Variants in SP100 observed in about 807,000 individuals in gnomAD.
SP100 encodes the protein SP100 nuclear body protein.
A neutral mutation model predicts 130.0 loss-of-function variants in SP100; 84 were observed. That is an observed-to-expected ratio of 0.65 (90% CI 0.54 to 0.77). SP100 has a LOEUF of 0.77. Among genes scored for constraint, SP100 ranks in the 30% least tolerant of loss-of-function variants. SP100 has a pLI of 0.00. For synonymous variants in SP100, 331 were observed against 351.7 expected (o/e 0.94, Z 0.66); for missense variants, 978 against 1,052.2 (o/e 0.93, Z 0.97).
At chr2:230,421,197 C>A (rs997034238) in intron 2 of SP100, among the ~76,000 whole-genome samples, 1 of 152,058 alleles carries the variant, frequency 6.6e-6, no homozygotes, top group Non-Finnish European at 1.5e-5. Context: ...TTTGTGTGTC[C>A]TCATTATGAA....
intron 24 of SP100, among the ~76,000 whole-genome samples, chr2:230,511,668 C>T (rs759101501): frequency 5.3e-5 from 8 of 152,052 alleles, no homozygotes; most frequent in African/African-American, 1.2e-4. Flanking sequence ...AAGACACACA[C>T]GAAAAGTGAG....
intron 24 of SP100, among the ~76,000 whole-genome samples, chr2:230,530,500 C>T (rs1332053520): frequency 1.3e-5 from 2 of 152,126 alleles, no homozygotes; most frequent in Non-Finnish European, 2.9e-5. Context: ...TAGGCAATAC[C>T]ATTCAGGATA....
At chr2:230,538,059 C>T (rs1692015384) in intron 24 of SP100, 1 of 152,182 alleles carries the variant, frequency 6.6e-6, no homozygotes. Flanking sequence ...TTAGAACCAT[C>T]TGGACAATAT....
intron 21 of SP100, among the ~76,000 whole-genome samples, chr2:230,505,904 A>G (rs1030394974): frequency 1.3e-5 from 2 of 152,206 alleles, no homozygotes; most frequent in Non-Finnish European, 2.9e-5. Context: ...AGAGCATGGT[A>G]GAGGGCTTTA....
intron 24 of SP100, among the ~76,000 whole-genome samples, chr2:230,532,937 C>A (rs527612767): frequency 1.1e-4 from 16 of 152,220 alleles, no homozygotes; most frequent in African/African-American, 3.9e-4. Flanking sequence ...CCCACCACCA[C>A]GCCTGGCTAA....
Position 230,416,230 on chromosome 2 carries a change from C to G in SP100, c.-67C>G, listed in dbSNP as rs754294403. ...GGGGCCTGGGCAGCCACACTGCACG[C>G]AGGCTGGGCCGACTGAGGGGCTCAG... On this transcript the variant is annotated 5_prime_UTR_variant, in exon 1 of 29. Transcript: ENST00000340126. The G allele has an allele frequency of 8.0e-6, 11 of 1,375,834 alleles. No individual in the cohort carries two copies. Among genetic ancestry groups the G allele is most frequent in the Non-Finnish European group, 1.1e-5 (11 of 972,016 alleles). The allele number at this position is 1,375,834 out of a possible 1,614,324, so 85.2% of individuals were successfully genotyped here. A position where few individuals can be genotyped will look rare whatever the true frequency, so the allele number is the denominator to read the frequency against.
chr2:230,441,835 T>C (rs1204476411), intron 2 of SP100, among the ~76,000 whole-genome samples: 5 of 152,190 alleles, frequency 3.3e-5, no homozygotes, highest in African/African-American at 1.2e-4. Context: ...TCTCCATTGT[T>C]TCTTACAAAT....
At chr2:230,424,152 G>T (rs2062851794) in intron 2 of SP100, among the ~76,000 whole-genome samples, 1 of 152,164 alleles carries the variant, frequency 6.6e-6, no homozygotes, top group South Asian at 2.1e-4. Context: ...TATTAATAAT[G>T]GTGCTGCCAG....
chr2:230,491,252 C>T (rs1307946877), intron 17 of SP100, among the ~76,000 whole-genome samples: 1 of 152,240 alleles, frequency 6.6e-6, no homozygotes, highest in Non-Finnish European at 1.5e-5. Flanking sequence ...GCACGGATTC[C>T]TCAGAACTAC....
intron 24 of SP100, among the ~76,000 whole-genome samples, chr2:230,520,167 A>T (rs547264071): frequency 6.6e-6 from 1 of 152,342 alleles, no homozygotes; most frequent in South Asian, 2.1e-4. Context: ...AGTTTTTATG[A>T]AGCTTGCCAG....
intron 24 of SP100, among the ~76,000 whole-genome samples, chr2:230,526,280 G>T (rs1434414341): frequency 6.6e-6 from 1 of 151,484 alleles, no homozygotes; most frequent in Non-Finnish European, 1.5e-5. Flanking sequence ...AGGGTCTGGA[G>T]TGGACCTCCA....
chr2:230,443,622 C>A (rs763959965), intron 3 of SP100, among the ~76,000 whole-genome samples: 7 of 152,122 alleles, frequency 4.6e-5, no homozygotes, highest in Admixed American at 2.6e-4. Flanking sequence ...CATTTGTTTT[C>A]TTTTTCTTTC....
At position 230,498,553 on chromosome 2, in the gene SP100, C is replaced by T; in HGVS notation, c.1720+18C>T. 1 of 1,206,198 alleles carries T rather than the reference C, an allele frequency of 8.3e-7. No individual in the cohort carries two copies. The highest frequency in any genetic ancestry group is 1.1e-6 in the Non-Finnish European group (1 of 890,694). 74.7% of individuals were successfully genotyped at this position (1,206,198 alleles called of 1,614,324 possible). The stretch of plus-strand genomic sequence containing the variant: ...ACAAAGAGGTAAAAAAAAAAAAATA[C>T]ATTTTAAATAAATAACGTCTAAATT... On this transcript the variant is annotated intron_variant, in intron 19 of 28. Transcript: ENST00000340126.
intron 11 of SP100, 104 bp from the exon 12 acceptor site, chr2:230,466,197 A>AAAAC (rs2064945152): frequency 5.1e-6 from 3 of 585,952 alleles, no homozygotes; most frequent in South Asian, 4.5e-5. Flanking sequence ...AAAAAAAAAA[A>AAAAC]AAAAAACTTT....
In SP100 at chr2:230,417,634, C is replaced by T; in HGVS notation, c.76C>T (p.His26Tyr). 1 of 1,613,046 alleles carries T rather than the reference C, an allele frequency of 6.2e-7. No homozygotes were observed. The highest frequency in any genetic ancestry group is 2.2e-5 in the East Asian group (1 of 44,812). ...CISPVANEMN[H>Y]LPAHSHDLQR... ...TTCACCAGTAGCAAATGAGATGAAC[C>T]ATCTTCCTGCACACAGCCACGATTT... Residue 26 changes from histidine (H) to tyrosine (Y), a missense_variant, in exon 2 of 29, where the codon CAT becomes TAT. Transcript: ENST00000340126.
intron 5 of SP100, among the ~76,000 whole-genome samples, chr2:230,447,594 A>G (rs2063765206): frequency 6.6e-6 from 1 of 152,134 alleles, no homozygotes; most frequent in Admixed American, 6.5e-5. Flanking sequence ...ATGTTGACTT[A>G]TATTTGACAT....
intron 8 of SP100, among the ~76,000 whole-genome samples, chr2:230,452,180 A>ATT (rs554361852): frequency 6.9e-6 from 1 of 145,164 alleles, no homozygotes. Flanking sequence ...TGCCATTTGA[A>ATT]TTTTTTTTTT....
rs2062643030 is a variant in SP100 at position 230,417,600 on chromosome 2, T to C, written c.42T>C (p.Asn14=). ...CAAATTGTCTTTCTAGGAGGCTGAA[T>C]GAATGTATTTCACCAGTAGCAAATG... ...GGGDLSTRRL[N]ECISPVANEM... Residue 14 remains asparagine, a synonymous_variant, in exon 2 of 29, where the codon AAT becomes AAC. Coordinates refer to ENST00000340126, the MANE Select transcript of SP100 (RefSeq NM_001080391.2). 1.2e-6 allele frequency: 2 copies of C among 1,612,584 alleles called. No individual in the cohort carries two copies. Among genetic ancestry groups the C allele is most frequent in the South Asian group, 2.2e-5 (2 of 90,730 alleles).
At chr2:230,478,217 T>A (rs2065663363) in intron 17 of SP100, among the ~76,000 whole-genome samples, 1 of 152,202 alleles carries the variant, frequency 6.6e-6, no homozygotes, top group Non-Finnish European at 1.5e-5. Flanking sequence ...CCTACTTGCA[T>A]ATGAGAGAAT....
Sources: gnomAD v4.1 joint callset for allele counts (sites outside exome capture counted in the v4.1 genomes callset) on GRCh38, gnomAD v4.1.1 for gene constraint, MANE v1.5 for transcripts, NCBI Gene and HGNC (gene_info 2026-07-23, HGNC 2026-07-21) for gene names.